The following ASTN2 variants were observed in gnomAD, a reference collection of about 807,000 sequenced individuals.
The protein encoded by ASTN2 is astrotactin-2.
A neutral mutation model predicts 139.8 loss-of-function variants in ASTN2; 54 were observed. The observed-to-expected ratio is 0.39, with a 90% CI of 0.31 to 0.48. The LOEUF (loss-of-function observed/expected upper bound fraction) is 0.48. Ranked by LOEUF, ASTN2 falls within the 20% of genes least tolerant of loss-of-function variation. The pLI is 0.95. For missense variants in ASTN2, 1,565 were observed against 1,725.1 expected (o/e 0.91, Z 1.64); for synonymous variants, 756 against 719.5 (o/e 1.05, Z -0.81).
chr9:116,666,268 C>A (rs1389397309), intron 16 of ASTN2, among the ~76,000 whole-genome samples: 4 of 152,170 alleles, frequency 2.6e-5, no homozygotes, highest in African/African-American at 9.7e-5. Context: ...CATGGCACTG[C>A]CTGAGTAATT....
intron 10 of ASTN2, among the ~76,000 whole-genome samples, chr9:116,915,070 T>C (rs1834404893): frequency 6.6e-6 from 1 of 152,208 alleles, no homozygotes; most frequent in Non-Finnish European, 1.5e-5. Flanking sequence ...AGATGTTCTT[T>C]GCAAACTTTT....
At position 117,096,157 on chromosome 9, in the gene ASTN2, A is replaced by C. The variant is rs1828836295; in HGVS notation, c.1169-6T>G. ...TCTCCCAAAGCTGATTCCTCCTGTG[A>C]GTAAGCACAGTCTATCAGTTAGTCT... On this transcript the variant is annotated splice_polypyrimidine_tract_variant and splice_region_variant and intron_variant, in intron 4 of 22. Coordinates refer to ENST00000313400, the MANE Select transcript of ASTN2 (RefSeq NM_001365068.1). 1 of 1,611,024 alleles carries C rather than the reference A, an allele frequency of 6.2e-7. No individual in the cohort carries two copies. The highest frequency in any genetic ancestry group is 8.5e-7 in the Non-Finnish European group (1 of 1,177,456).
chr9:117,053,519 G>A (rs987551113), intron 5 of ASTN2, among the ~76,000 whole-genome samples: 3 of 152,148 alleles, frequency 2.0e-5, no homozygotes, highest in Admixed American at 6.5e-5. Flanking sequence ...TGAGAAAAAT[G>A]AAGCCTGGGG....
intron 19 of ASTN2, among the ~76,000 whole-genome samples, chr9:116,573,418 A>G (rs1853602046): frequency 6.6e-6 from 1 of 152,216 alleles, no homozygotes; most frequent in Admixed American, 6.5e-5. Flanking sequence ...TTCTCATGGG[A>G]TATCTCAGAG....
intron 20 of ASTN2, among the ~76,000 whole-genome samples, chr9:116,483,531 C>T (rs1849240608): frequency 6.6e-6 from 1 of 152,032 alleles, no homozygotes; most frequent in Non-Finnish European, 1.5e-5. Context: ...AACTGAGATA[C>T]ACTCATAGCA....
Position 116,698,591 on chromosome 9 carries a change from A to G in ASTN2, c.2806+27180T>C, listed in dbSNP as rs1176544124. 6 of 1,614,110 alleles carry G rather than the reference A, an allele frequency of 3.7e-6. No homozygotes were observed. Among genetic ancestry groups the G allele is most frequent in the Non-Finnish European group, 8.5e-7 (1 of 1,180,010 alleles). ...TGCAAGATGTGGAGCTCCTTAAGGT[A>G]GGTCATGTTGGCCCCCTCCAAATTG... On this transcript the variant is annotated intron_variant, in intron 16 of 22. Transcript: ENST00000313400. This position sits in a 1 kb window ranked among gnomAD's most constrained non-coding sequence, Gnocchi z 4.4.
Position 116,976,094 on chromosome 9 carries a change from C to T in ASTN2, c.1751+20G>A. The T allele has an allele frequency of 6.2e-7, 1 of 1,612,764 alleles. No homozygotes were observed. Among genetic ancestry groups the T allele is most frequent in the South Asian group, 1.1e-5 (1 of 90,996 alleles). On this transcript the variant is annotated intron_variant, in intron 9 of 22. Transcript: ENST00000313400. Reference sequence around the variant, plus strand: ...TTCTCCATTTCCCAGAATTATGCCCCAACAAGAAAGCCAACTCACCTGAGA... The same window carrying T: ...TTCTCCATTTCCCAGAATTATGCCCTAACAAGAAAGCCAACTCACCTGAGA...
chr9:116,687,152 C>G, intron 16 of ASTN2: 4 of 1,076,242 alleles, frequency 3.7e-6, no homozygotes, highest in Non-Finnish European at 4.5e-6. Flanking sequence ...TTACGTGTCG[C>G]TAAGGCCCCG....
intron 10 of ASTN2, among the ~76,000 whole-genome samples, chr9:116,870,163 G>C (rs1833124742): frequency 6.6e-6 from 1 of 152,138 alleles, no homozygotes; most frequent in Non-Finnish European, 1.5e-5. Flanking sequence ...TGTATTTACA[G>C]AAAGACACAG....
chr9:116,570,907 C>T (rs1235003286), intron 19 of ASTN2, among the ~76,000 whole-genome samples: 2 of 152,208 alleles, frequency 1.3e-5, no homozygotes, highest in Non-Finnish European at 2.9e-5. Context: ...CTGTTAGGAT[C>T]ACTCACATGT....
At chr9:117,373,756 A>G (rs1410809300) in intron 1 of ASTN2, among the ~76,000 whole-genome samples, 1 of 152,208 alleles carries the variant, frequency 6.6e-6, no homozygotes, top group African/African-American at 2.4e-5. Context: ...AAAAGAAAAG[A>G]AAAGAAATGT....
chr9:116,872,938 G>A (rs1564316116), intron 10 of ASTN2, among the ~76,000 whole-genome samples: 1 of 152,104 alleles, frequency 6.6e-6, no homozygotes, highest in Non-Finnish European at 1.5e-5. Context: ...TGTGTGCCAG[G>A]CCATGGTGAT....
intron 20 of ASTN2, among the ~76,000 whole-genome samples, chr9:116,449,102 G>A (rs1319076645): frequency 6.6e-6 from 1 of 152,122 alleles, no homozygotes; most frequent in African/African-American, 2.4e-5. Flanking sequence ...GTTCTGTAAT[G>A]TTTCTTGTCT....
chr9:116,818,280 G>C (rs1486134319), intron 12 of ASTN2, among the ~76,000 whole-genome samples: 3 of 152,174 alleles, frequency 2.0e-5, no homozygotes, highest in African/African-American at 7.2e-5. Flanking sequence ...AGCAAGTTGG[G>C]AAGGTCCCCT....
intron 4 of ASTN2, among the ~76,000 whole-genome samples, chr9:117,104,190 A>G (rs1829048858): frequency 6.6e-6 from 1 of 152,242 alleles, no homozygotes; most frequent in Admixed American, 6.5e-5. Context: ...GTGAAAACCT[A>G]TATATGATAA....
chr9:116,478,709 C>T (rs558960270), intron 20 of ASTN2, among the ~76,000 whole-genome samples: 1 of 152,236 alleles, frequency 6.6e-6, no homozygotes, highest in South Asian at 2.1e-4. Context: ...AATGCACAGC[C>T]TCAGGCTGGG....
chr9:116,595,906 A>T (rs1326957910), intron 19 of ASTN2, among the ~76,000 whole-genome samples: 1 of 152,172 alleles, frequency 6.6e-6, no homozygotes, highest in Non-Finnish European at 1.5e-5. Flanking sequence ...CTGCTAGATG[A>T]TCCAGCAATC....
chr9:117,347,356 C>T (rs145850538), intron 1 of ASTN2, among the ~76,000 whole-genome samples: 1 of 152,082 alleles, frequency 6.6e-6, no homozygotes, highest in African/African-American at 2.4e-5. Context: ...CTGATTTAGT[C>T]TCTCATTTGC....
intron 4 of ASTN2, among the ~76,000 whole-genome samples, chr9:117,111,002 T>C (rs1296648000): frequency 1.3e-5 from 2 of 152,228 alleles, no homozygotes; most frequent in East Asian, 1.9e-4. Flanking sequence ...AGGCAGGCCC[T>C]GACAGGCTCA....
Sources: gnomAD v4.1 joint callset for allele counts (sites outside exome capture counted in the v4.1 genomes callset) on GRCh38, gnomAD v4.1.1 for gene constraint, Gnocchi (gnomAD v3.1) non-coding constraint, MANE v1.5 for transcripts, NCBI Gene and HGNC (gene_info 2026-07-23, HGNC 2026-07-21) for gene names.